RP1: variants seen among roughly 807,000 people sequenced by gnomAD.
RP1 encodes RP1 axonemal microtubule associated.
A neutral mutation model predicts 14.8 loss-of-function variants in RP1; 16 were observed. The ratio of observed to expected loss-of-function variants is 1.08; its 90% CI spans 0.73 to 1.65. The LOEUF is 1.65. Ranked by LOEUF, RP1 falls within the 40% of genes most tolerant of loss-of-function variation. RP1 has a pLI of 0.00. For missense variants in RP1, 2,631 were observed against 2,535.0 expected (o/e 1.04, Z -0.81); for synonymous variants, 876 against 883.6 (o/e 0.99, Z 0.15).
intron 7 of RP1, among the ~76,000 whole-genome samples, chr8:54,668,123 CA>C (rs1192137884): frequency 1.3e-5 from 2 of 152,284 alleles, no homozygotes; most frequent in Admixed American, 1.3e-4. Flanking sequence ...AGCAGCACAT[CA>C]AAAAGCTTAT....
At chr8:54,572,743 G>A (rs569516307) in intron 1 of RP1, among the ~76,000 whole-genome samples, 2 of 152,316 alleles carry the variant, frequency 1.3e-5, no homozygotes, top group South Asian at 4.1e-4. Flanking sequence ...CTCCTTGCAA[G>A]AGATAAACCA....
chr8:54,734,549 A>G (rs867311581), exon 18 of RP1: 1 of 1,534,104 alleles, frequency 6.5e-7, no homozygotes, highest in Middle Eastern at 1.7e-4. Flanking sequence ...CCATAGAAGA[A>G]ATCAGACATT....
At chr8:54,687,651 T>C (rs1326452342) in intron 12 of RP1, among the ~76,000 whole-genome samples, 1 of 152,200 alleles carries the variant, frequency 6.6e-6, no homozygotes, top group African/African-American at 2.4e-5. Flanking sequence ...CATCCTTTTT[T>C]ATGGCTGCAT....
intron 21 of RP1, among the ~76,000 whole-genome samples, chr8:54,758,436 T>G (rs1341031350): frequency 2.3e-5 from 3 of 130,472 alleles, no homozygotes; most frequent in African/African-American, 9.0e-5. Context: ...AGGGGAAGGA[T>G]GTATTGAAGG....
chr8:54,740,207 C>A (rs1284017996), intron 19 of RP1, among the ~76,000 whole-genome samples: 1 of 150,540 alleles, frequency 6.6e-6, no homozygotes, highest in Admixed American at 6.6e-5. Flanking sequence ...CCTCAGGCAG[C>A]CTTTCAAGAA....
chr8:54,746,597 A>G (rs1809230301), intron 19 of RP1, among the ~76,000 whole-genome samples: 1 of 152,204 alleles, frequency 6.6e-6, no homozygotes, highest in Non-Finnish European at 1.5e-5. Flanking sequence ...AAAAAGAAAG[A>G]TAAGCATACA....
rs10097227 is a variant in RP1, at chr8:54,869,368, T to A, written c.4152-475T>A. Among the ~76,000 whole-genome samples, 804 of 152,334 alleles carry A rather than the reference T, an allele frequency of 5.3e-3. 2 individuals carry two copies. The highest frequency in any genetic ancestry group is 8.9e-3 in the Non-Finnish European group (608 of 68,032). ...TACTGATTACATGTTGAAATAATAA[T>A]CTTTTGAATTTATGAAAATTCAAAA... On this transcript the variant is annotated intron_variant, in intron 28 of 28. Transcript: ENST00000637698.
At chr8:54,813,234 C>G (rs1272889364) in intron 24 of RP1, among the ~76,000 whole-genome samples, 1 of 152,210 alleles carries the variant, frequency 6.6e-6, no homozygotes, top group Non-Finnish European at 1.5e-5. Context: ...TCTCCTTTAT[C>G]TGGACTCAGA....
chr8:54,624,061 A>G (rs375123959), intron 3 of RP1, among the ~76,000 whole-genome samples: 1 of 152,190 alleles, frequency 6.6e-6, no homozygotes, highest in East Asian at 1.9e-4. Flanking sequence ...CTCCACATTG[A>G]AATTGAGGTA....
At chr8:54,681,692 G>A (rs769206138) in intron 12 of RP1, among the ~76,000 whole-genome samples, 4 of 151,664 alleles carry the variant, frequency 2.6e-5, no homozygotes, top group Admixed American at 1.3e-4. Flanking sequence ...CCCTCCCCTG[G>A]ACCCCCAACA....
chr8:54,868,127 G>A (rs1472272500), intron 28 of RP1, among the ~76,000 whole-genome samples: 1 of 152,104 alleles, frequency 6.6e-6, no homozygotes, highest in African/African-American at 2.4e-5. Flanking sequence ...AAGGCATCCA[G>A]GGCAGGTGAT....
At chr8:54,775,774 A>G (rs1312984831) in intron 23 of RP1, among the ~76,000 whole-genome samples, 3 of 152,222 alleles carry the variant, frequency 2.0e-5, no homozygotes, top group East Asian at 1.9e-4. Flanking sequence ...TTGGTAGTGG[A>G]TAGGCTCATA....
intron 24 of RP1, among the ~76,000 whole-genome samples, chr8:54,797,117 T>C (rs967814086): frequency 5.9e-5 from 9 of 152,140 alleles, no homozygotes; most frequent in Admixed American, 5.2e-4. Context: ...CATTTTTGCA[T>C]GAGAAGAAGG....
At chr8:54,600,301 C>T (rs1358946310) in intron 1 of RP1, among the ~76,000 whole-genome samples, 1 of 152,184 alleles carries the variant, frequency 6.6e-6, no homozygotes, top group Non-Finnish European at 1.5e-5. Context: ...GATTGTGAGG[C>T]CTGCCCAGCC....
intron 1 of RP1, among the ~76,000 whole-genome samples, chr8:54,619,999 CT>C (rs1365728490): frequency 1.3e-5 from 2 of 152,178 alleles, no homozygotes; most frequent in African/African-American, 4.8e-5. Context: ...GCAAAACTCT[CT>C]TACTTTTCTC....
intron 25 of RP1, among the ~76,000 whole-genome samples, chr8:54,841,772 GA>G: frequency 1.3e-5 from 2 of 152,334 alleles, no homozygotes; most frequent in African/African-American, 4.8e-5. Context: ...GGGCTGATAA[GA>G]ATGCTGACTC....
chr8:54,663,637 A>G lies in RP1; in HGVS notation c.1172-62A>G, dbSNP rs140558477. 7.1e-4 allele frequency: 964 copies of G among 1,366,204 alleles called. 8 individuals are homozygous for G. In the East Asian group the frequency reaches 0.023, roughly 32 times the overall value. The allele number at this position is 1,366,204 out of a possible 1,614,324, so 84.6% of individuals were successfully genotyped here. ...ACCATGGATAAGAGGAGATTTCTGT[A>G]TGTAATTTTCTGTTATATGAGTACT... On this transcript the variant is annotated intron_variant, in intron 6 of 22. Coordinates refer to the RP1 transcript ENST00000636932.
At chr8:54,819,057 ATC>A (rs370666343) in intron 24 of RP1, among the ~76,000 whole-genome samples, 25 of 149,560 alleles carry the variant, frequency 1.7e-4, no homozygotes, top group Admixed American at 2.0e-4. Flanking sequence ...CTACCCACAT[ATC>A]TCTCTCTCTC....
At chr8:54,756,744 T>C (rs527586015) in intron 21 of RP1, among the ~76,000 whole-genome samples, 1 of 152,200 alleles carries the variant, frequency 6.6e-6, no homozygotes, top group South Asian at 2.1e-4. Flanking sequence ...ACCTGACTAC[T>C]TGAGGATAAA....
Sources: gnomAD v4.1 joint callset for allele counts (sites outside exome capture counted in the v4.1 genomes callset) on GRCh38, gnomAD v4.1.1 for gene constraint, MANE v1.5 for transcripts, NCBI Gene and HGNC (gene_info 2026-07-23, HGNC 2026-07-21) for gene names.